SP4: variants seen among roughly 807,000 people sequenced by gnomAD.
The protein encoded by SP4 is Sp4 transcription factor, also known as transcription factor Sp4.
In SP4, 19 loss-of-function variants were observed where a neutral mutation model predicts 72.8. The ratio of observed to expected loss-of-function variants is 0.26; its 90% CI spans 0.18 to 0.38. SP4 has a LOEUF of 0.38. Among genes scored for constraint, SP4 ranks in the 10% least tolerant of loss-of-function variants. SP4 has a pLI of 1.00. For missense variants in SP4, 1,008 were observed against 926.3 expected (o/e 1.09, Z -1.14); for synonymous variants, 395 against 333.1 (o/e 1.19, Z -2.02).
chr7:21,429,429 A>G lies in SP4; in HGVS notation c.264A>G (p.Gln88=), dbSNP rs765112749. The change falls in exon 3 of 6, where the codon CAA becomes CAG. Residue 88 remains glutamine (Q), a synonymous_variant. Coordinates refer to ENST00000222584, the MANE Select transcript of SP4 (RefSeq NM_003112.5). ...TGGTGCAACTTCAAAATCAACCACA[A>G]CAGCTAGAACTGGTAACAACGCAAC... ...QGLVQLQNQP[Q]QLELVTTQLA... 9 of 1,613,924 alleles carry G rather than the reference A, an allele frequency of 5.6e-6. No individual in the cohort carries two copies. Among genetic ancestry groups the G allele is most frequent in the South Asian group, 5.5e-5 (5 of 91,084 alleles).
chr7:21,433,055 G>C (rs1001439478), intron 3 of SP4, among the ~76,000 whole-genome samples: 1 of 152,214 alleles, frequency 6.6e-6, no homozygotes, highest in African/African-American at 2.4e-5. Context: ...TGAACCAGAA[G>C]ACAGAATATG....
intron 3 of SP4, among the ~76,000 whole-genome samples, chr7:21,449,717 T>A (rs528596033): frequency 2.8e-4 from 42 of 152,322 alleles, no homozygotes; most frequent in African/African-American, 9.4e-4. Flanking sequence ...ATGGAAAAAC[T>A]AAGGCCCAGT....
intron 5 of SP4, among the ~76,000 whole-genome samples, chr7:21,504,685 A>G (rs1781950272): frequency 6.6e-6 from 1 of 152,228 alleles, no homozygotes; most frequent in Non-Finnish European, 1.5e-5. Flanking sequence ...ACAAGCAAAT[A>G]ATTTTTTTTC....
At position 21,430,646 on chromosome 7, in the gene SP4, T is replaced by C; in HGVS notation, c.1481T>C (p.Leu494Ser). 1.2e-6 allele frequency: 2 copies of C among 1,614,230 alleles called. No individual in the cohort carries two copies. The highest frequency in any genetic ancestry group is 1.7e-6 in the Non-Finnish European group (2 of 1,180,044). The change falls in exon 3 of 6, where the codon TTA (leucine) becomes TCA (serine). Residue 494 changes from leucine to serine, a missense_variant. Around this residue, in one of 3 missense-constraint regions of SP4, gnomAD observed 893 missense variants for 743.3 expected, o/e 1.20. Transcript: ENST00000222584. ...QVQNAGLSQQLTITPVSSSGG... is the reference protein window; with the variant it reads ...QVQNAGLSQQSTITPVSSSGG... ...CAGAATGCTGGGTTATCCCAACAAT[T>C]AACCATCACCCCAGTGTCTTCAAGT...
chr7:21,447,620 A>G (rs1381929933), intron 3 of SP4, among the ~76,000 whole-genome samples: 1 of 152,310 alleles, frequency 6.6e-6, no homozygotes, highest in South Asian at 2.1e-4. Context: ...GGAGAATACC[A>G]TTTTCAGCCT....
intron 3 of SP4, among the ~76,000 whole-genome samples, chr7:21,474,291 G>A (rs957280158): frequency 2.0e-5 from 3 of 152,166 alleles, no homozygotes; most frequent in African/African-American, 7.2e-5. Context: ...AATGTTATGA[G>A]AAAAGTAGTC....
Position 21,512,450 on chromosome 7 carries a change from T to C in SP4, c.*1181T>C, listed in dbSNP as rs1301489046. Reference sequence around the variant, plus strand: ...AAATTAGCCTAATATATAATAGATATATTATGAAGCAAAACTTTTATTTTT... The same window carrying C: ...AAATTAGCCTAATATATAATAGATACATTATGAAGCAAAACTTTTATTTTT... On this transcript the variant is annotated 3_prime_UTR_variant, in exon 6 of 6. Coordinates refer to ENST00000222584, the MANE Select transcript of SP4 (RefSeq NM_003112.5). The C allele has an allele frequency of 1.3e-5, 2 of 152,042 alleles. No individual in the cohort carries two copies. Among genetic ancestry groups the C allele is most frequent in the Non-Finnish European group, 2.9e-5 (2 of 67,998 alleles). 9.4% of individuals were successfully genotyped at this position (152,042 alleles called of 1,614,324 possible). A position where few individuals can be genotyped will look rare whatever the true frequency, so the allele number is the denominator to read the frequency against.
At chr7:21,457,268 G>C (rs774288108) in intron 3 of SP4, among the ~76,000 whole-genome samples, 1 of 152,036 alleles carries the variant, frequency 6.6e-6, no homozygotes, top group African/African-American at 2.4e-5. Context: ...ACTTGGTCTA[G>C]CATGAGGCCC....
chr7:21,477,553 A>G (rs1456054925), intron 4 of SP4, among the ~76,000 whole-genome samples: 3 of 151,374 alleles, frequency 2.0e-5, no homozygotes, highest in Non-Finnish European at 4.4e-5. Context: ...CCCCACCCCA[A>G]CAAGATGGAG....
At chr7:21,445,706 G>A (rs535671899) in intron 3 of SP4, among the ~76,000 whole-genome samples, 9 of 152,040 alleles carry the variant, frequency 5.9e-5, no homozygotes, top group Middle Eastern at 3.2e-3. Flanking sequence ...GATACATGGC[G>A]GGTGTTGAGA....
rs973208456 is a variant in SP4 at position 21,513,949 on chromosome 7, G to A, written c.*2680G>A. 6.6e-6 allele frequency: 1 copy of A among 152,546 alleles called. No individual in the cohort carries two copies. The highest frequency in any genetic ancestry group is 6.5e-5 in the Admixed American group (1 of 15,284). 9.4% of individuals were successfully genotyped at this position (152,546 alleles called of 1,614,324 possible). A position where few individuals can be genotyped will look rare whatever the true frequency, so the allele number is the denominator to read the frequency against. On this transcript the variant is annotated 3_prime_UTR_variant, in exon 6 of 6. Transcript: ENST00000222584. ...ATTTCAGTGTCCTTTATTTGACTCA[G>A]TGGGATATAGCTGTTATAAGTAATA...
chr7:21,465,284 T>C (rs1402425958), intron 3 of SP4, among the ~76,000 whole-genome samples: 1 of 152,194 alleles, frequency 6.6e-6, no homozygotes, highest in Admixed American at 6.5e-5. Flanking sequence ...TCAGAATTGA[T>C]AGACAGGTGT....
intron 3 of SP4, among the ~76,000 whole-genome samples, chr7:21,462,370 TAAAA>T (rs891339883): frequency 1.3e-5 from 2 of 151,992 alleles, no homozygotes; most frequent in Non-Finnish European, 2.9e-5. Flanking sequence ...CTTAAAAAAA[TAAAA>T]ATAAAAAAGA....
chr7:21,508,088 A>G (rs556113789), intron 5 of SP4, among the ~76,000 whole-genome samples: 22 of 152,054 alleles, frequency 1.4e-4, no homozygotes, highest in African/African-American at 5.3e-4. Context: ...TGCCTCCTGA[A>G]TAACAGTCTC....
Position 21,429,900 on chromosome 7 carries a change from T to A in SP4, c.735T>A (p.Thr245=). 1 of 1,614,182 alleles carries A rather than the reference T, an allele frequency of 6.2e-7. No individual in the cohort carries two copies. Among genetic ancestry groups the A allele is most frequent in the South Asian group, 1.1e-5 (1 of 91,082 alleles). ...PGVSIPLQLQ[T]LPGTQAQVVT... is the part of the protein sequence containing the mutation. ...TTTCAATACCACTGCAGTTACAGAC[T>A]CTTCCTGGTACTCAGGCTCAAGTTG... is the stretch of plus-strand genomic sequence containing the variant. The change falls in exon 3 of 6, where the codon ACT becomes ACA. Residue 245 remains threonine, a synonymous_variant. Coordinates refer to ENST00000222584, the MANE Select transcript of SP4 (RefSeq NM_003112.5).
At chr7:21,457,779 GTGTGTGTA>G (rs1783814003) in intron 3 of SP4, among the ~76,000 whole-genome samples, 1 of 152,008 alleles carries the variant, frequency 6.6e-6, no homozygotes, top group South Asian at 2.1e-4. Flanking sequence ...AGGGGTGTGT[GTGTGTGTA>G]TGCATGTGTG....
At chr7:21,467,171 T>G (rs1042930343) in intron 3 of SP4, among the ~76,000 whole-genome samples, 1 of 152,100 alleles carries the variant, frequency 6.6e-6, no homozygotes, top group African/African-American at 2.4e-5. Context: ...AGGCCTCTAC[T>G]CACTATATAC....
intron 3 of SP4, among the ~76,000 whole-genome samples, chr7:21,451,907 G>C (rs1327563875): frequency 6.6e-6 from 1 of 152,220 alleles, no homozygotes; most frequent in East Asian, 1.9e-4. Context: ...CTGCAGTCAT[G>C]CCAGCTGTAG....
At chr7:21,466,531 A>G (rs2128404538) in intron 3 of SP4, among the ~76,000 whole-genome samples, 1 of 152,308 alleles carries the variant, frequency 6.6e-6, no homozygotes, top group East Asian at 1.9e-4. Flanking sequence ...CAAAAGTTCT[A>G]CTTTCGGCTC....
Sources: gnomAD v4.1 joint callset for allele counts (sites outside exome capture counted in the v4.1 genomes callset) on GRCh38, gnomAD v4.1.1 for gene constraint, gnomAD v4.1.1 regional missense constraint, MANE v1.5 for transcripts, NCBI Gene and HGNC (gene_info 2026-07-23, HGNC 2026-07-21) for gene names.